Variants in CNBD1 observed in about 807,000 individuals in gnomAD.
CNBD1 encodes the protein cyclic nucleotide-binding domain-containing protein 1.
CNBD1 carries 71 observed loss-of-function variants against 54.4 expected under a neutral mutation model. That is an observed-to-expected ratio of 1.30 (90% confidence interval 1.08 to 1.59). The LOEUF (loss-of-function observed/expected upper bound fraction) is 1.59, where lower values mean the gene tolerates loss of function less well. CNBD1 is among the 40% of genes most tolerant of loss of function. The pLI, the probability that CNBD1 is intolerant of heterozygous loss-of-function variation, is 0.00. For synonymous variants in CNBD1, 182 were observed against 170.7 expected (o/e 1.07, Z -0.51); for missense variants, 659 against 518.0 (o/e 1.27, Z -2.64).
At chr8:87,298,420 C>A (rs13250066) in intron 8 of CNBD1, among the ~76,000 whole-genome samples, 5 of 151,420 alleles carry the variant, frequency 3.3e-5, no homozygotes, top group Non-Finnish European at 5.9e-5. Context: ...TCACTACACC[C>A]TGACCCATTG....
chr8:87,142,797 T>G (rs1586286357), intron 4 of CNBD1, among the ~76,000 whole-genome samples: 4 of 152,296 alleles, frequency 2.6e-5, no homozygotes, highest in South Asian at 4.1e-4. Context: ...GGTGAACATT[T>G]TCACAATCTT....
intron 5 of CNBD1, among the ~76,000 whole-genome samples, chr8:87,213,342 A>G (rs1010609963): frequency 2.6e-5 from 4 of 152,090 alleles, no homozygotes; most frequent in East Asian, 1.9e-4. Flanking sequence ...CTGTTCTCAC[A>G]CTCCTAATAA....
chr8:86,916,225 A>T (rs1051354054), intron 3 of CNBD1, among the ~76,000 whole-genome samples: 1 of 152,178 alleles, frequency 6.6e-6, no homozygotes, highest in Non-Finnish European at 1.5e-5. Flanking sequence ...CAAGTTTTAG[A>T]GCAGGAGTGA....
Position 86,994,159 on chromosome 8 carries a change from A to G in CNBD1, c.431+54405A>G, listed in dbSNP as rs542063760. 1.7e-3 allele frequency among the ~76,000 whole-genome samples: 262 copies of G among 152,304 alleles called. 2 individuals are homozygous for G. Among genetic ancestry groups the G allele is most frequent in the African/African-American group, 6.2e-3 (257 of 41,570 alleles). On this transcript the variant is annotated intron_variant, in intron 4 of 10. Transcript: ENST00000518476. ...CACAAATCTTTGCTCAGCATTCCCA[A>G]GATGCCTGTCACAGCCCTGGGGCAA...
At chr8:87,238,528 C>T (rs1320661422) in intron 6 of CNBD1, among the ~76,000 whole-genome samples, 3 of 152,044 alleles carry the variant, frequency 2.0e-5, no homozygotes, top group South Asian at 2.1e-4. Flanking sequence ...AATTTTACAG[C>T]TCCACTTCTC....
intron 5 of CNBD1, among the ~76,000 whole-genome samples, chr8:87,220,162 T>C (rs1026184338): frequency 3.3e-5 from 5 of 152,176 alleles, no homozygotes; most frequent in Non-Finnish European, 7.4e-5. Flanking sequence ...TAACTATTTT[T>C]TAAAGTAACT....
chr8:87,319,613 T>TGTAGCAACA (rs369352260), intron 8 of CNBD1, among the ~76,000 whole-genome samples: 6 of 152,218 alleles, frequency 3.9e-5, no homozygotes, highest in African/African-American at 1.4e-4. Flanking sequence ...ACTAGAATTG[T>TGTAGCAACA]GTAGCAACAG....
intron 2 of CNBD1, among the ~76,000 whole-genome samples, chr8:87,403,471 C>T (rs1328369875): frequency 6.6e-6 from 1 of 152,030 alleles, no homozygotes; most frequent in Admixed American, 6.6e-5. Flanking sequence ...GCTACTCCAT[C>T]CCTTAACTAT....
In CNBD1 at chr8:87,298,052, C is replaced by G. The variant is rs546851834; in HGVS notation, c.1042+11381C>G. On this transcript the variant is annotated intron_variant, in intron 8 of 10. Coordinates refer to ENST00000518476, the MANE Select transcript of CNBD1 (RefSeq NM_173538.3). ...TTAATATAGATTTGTATAAGCTGAG[C>G]TGTATTTTAAATACATCAGGAAACA... Among the ~76,000 whole-genome samples, 192 of 151,716 alleles carry G rather than the reference C, an allele frequency of 1.3e-3. 1 individual carries two copies. The highest frequency in any genetic ancestry group is 9.5e-3 in the South Asian group (46 of 4,818).
At chr8:87,135,705 A>G (rs1350023276) in intron 4 of CNBD1, among the ~76,000 whole-genome samples, 3 of 149,564 alleles carry the variant, frequency 2.0e-5, no homozygotes, top group Non-Finnish European at 4.4e-5. Context: ...TTAGCATCCT[A>G]AAACTATTTA....
At chr8:87,117,468 TGAGA>T (rs1811799103) in intron 4 of CNBD1, among the ~76,000 whole-genome samples, 2 of 145,606 alleles carry the variant, frequency 1.4e-5, no homozygotes, top group African/African-American at 4.9e-5. Flanking sequence ...TTGGACATGA[TGAGA>T]GACACTTACT....
At chr8:87,345,953 C>A in intron 8 of CNBD1, among the ~76,000 whole-genome samples, 1 of 138,336 alleles carries the variant, frequency 7.2e-6, no homozygotes, top group East Asian at 2.0e-4. Flanking sequence ...ATGCATAGTT[C>A]TTTGAAATGG....
chr8:87,257,078 A>G (rs1808038743), intron 6 of CNBD1, among the ~76,000 whole-genome samples: 1 of 152,052 alleles, frequency 6.6e-6, no homozygotes, highest in Non-Finnish European at 1.5e-5. Context: ...TTCATTGAAA[A>G]TGACAATTGG....
At chr8:87,268,123 G>A (rs1381608847) in intron 6 of CNBD1, among the ~76,000 whole-genome samples, 3 of 151,964 alleles carry the variant, frequency 2.0e-5, no homozygotes, top group Admixed American at 2.0e-4. Flanking sequence ...CACTCAAGCA[G>A]TCCCCAGGGT....
intron 4 of CNBD1, among the ~76,000 whole-genome samples, chr8:87,145,047 T>C (rs921312301): frequency 4.6e-5 from 7 of 152,132 alleles, no homozygotes; most frequent in Non-Finnish European, 8.8e-5. Flanking sequence ...AGAATGACAA[T>C]ATTTGCAAAT....
At chr8:87,273,114 ATAG>A (rs1427069110) in intron 6 of CNBD1, among the ~76,000 whole-genome samples, 4 of 151,994 alleles carry the variant, frequency 2.6e-5, no homozygotes, top group Middle Eastern at 3.2e-3. Flanking sequence ...ATTTCAAATA[ATAG>A]TAGTACTGTA....
intron 2 of CNBD1, among the ~76,000 whole-genome samples, chr8:87,420,987 T>G (rs940030996): frequency 6.6e-6 from 1 of 151,944 alleles, no homozygotes; most frequent in Non-Finnish European, 1.5e-5. Context: ...CAAACACAGG[T>G]TGGGAAAGAT....
chr8:87,281,106 T>C (rs1808590243), intron 6 of CNBD1, among the ~76,000 whole-genome samples: 2 of 151,690 alleles, frequency 1.3e-5, no homozygotes, highest in Non-Finnish European at 3.0e-5. Context: ...CCTGCAGTTT[T>C]CGGATATAAC....
At chr8:87,420,713 C>A (rs927126708) in intron 2 of CNBD1, among the ~76,000 whole-genome samples, 1 of 151,230 alleles carries the variant, frequency 6.6e-6, no homozygotes, top group African/African-American at 2.4e-5. Context: ...ACAACTGATT[C>A]CTAATTTTGT....
Sources: allele counts gnomAD v4.1 joint callset (sites outside exome capture counted in the v4.1 genomes callset), GRCh38; gene constraint gnomAD v4.1.1; transcripts MANE v1.5; gene names NCBI Gene and HGNC (gene_info 2026-07-23, HGNC 2026-07-21).